The following UTS2B variants were observed in gnomAD, a reference collection of about 807,000 sequenced individuals.
UTS2B encodes urotensin 2B.
UTS2B carries 21 observed loss-of-function variants against 19.2 expected under a neutral mutation model. That is an observed-to-expected ratio of 1.09 (90% CI 0.78 to 1.58). The LOEUF (loss-of-function observed/expected upper bound fraction) is 1.58, where lower values mean the gene tolerates loss of function less well. UTS2B is among the 40% of genes most tolerant of loss of function. The pLI, the probability that UTS2B is intolerant of heterozygous loss-of-function variation, is 0.00. For synonymous variants in UTS2B, 57 were observed against 50.2 expected (o/e 1.14, Z -0.58); for missense variants, 138 against 130.3 (o/e 1.06, Z -0.29).
At chr3:191,289,205 C>T (rs962643744) in intron 4 of UTS2B, among the ~76,000 whole-genome samples, 11 of 151,898 alleles carry the variant, frequency 7.2e-5, no homozygotes, top group South Asian at 2.1e-4. Context: ...GTCAGGAGAT[C>T]GAGACCATCC....
chr3:191,310,752 A>T (rs78540759), intron 3 of UTS2B, among the ~76,000 whole-genome samples: 5 of 152,014 alleles, frequency 3.3e-5, no homozygotes, highest in Non-Finnish European at 5.9e-5. Flanking sequence ...ATTTGGTTAA[A>T]GTTATAGTAG....
chr3:191,305,823 CTTGAG>C (rs1717122300), intron 3 of UTS2B, among the ~76,000 whole-genome samples: 1 of 152,096 alleles, frequency 6.6e-6, no homozygotes, highest in South Asian at 2.1e-4. Context: ...TTTAATCCAT[CTTGAG>C]TTAATTTTTG....
At chr3:191,307,929 G>C (rs889476276) in intron 3 of UTS2B, among the ~76,000 whole-genome samples, 1 of 149,512 alleles carries the variant, frequency 6.7e-6, no homozygotes, top group African/African-American at 2.5e-5. Flanking sequence ...TCTGCCTCCC[G>C]GGTTAAAGCA....
chr3:191,292,590 T>A lies in UTS2B; in HGVS notation c.-124-10277A>T, dbSNP rs540815725. Among the ~76,000 whole-genome samples, 9 of 152,334 alleles carry A rather than the reference T, an allele frequency of 5.9e-5. No homozygotes were observed. The South Asian group carries it at 1.9e-3, about 32-fold the overall frequency. On this transcript the variant is annotated intron_variant, in intron 4 of 8. Coordinates refer to ENST00000340524, the MANE Select transcript of UTS2B (RefSeq NM_198152.5). Reference sequence around the variant, plus strand: ...AGGATTTTGTACATAGAAGATCATGTCAACAAATAGAGACAGTTTTACTCT... The same window carrying A: ...AGGATTTTGTACATAGAAGATCATGACAACAAATAGAGACAGTTTTACTCT...
rs557520696 is a variant in UTS2B at position 191,310,324 on chromosome 3, C to T, written c.-182+5712G>A. On this transcript the variant is annotated intron_variant, in intron 3 of 8. Transcript: ENST00000340524. ...TGACCTAACACGAAGATAGAGATAACATCCCCTTTCAAAACAAATAGTAGG... is the reference window on the plus strand; with the variant it reads ...TGACCTAACACGAAGATAGAGATAATATCCCCTTTCAAAACAAATAGTAGG... Among the ~76,000 whole-genome samples the T allele has an allele frequency of 9.2e-5, 14 of 151,544 alleles. No individual in the cohort carries two copies. The South Asian group carries it at 2.9e-3, about 32-fold the overall frequency.
chr3:191,345,927 A>C, the UTS2B span, among the ~76,000 whole-genome samples: 1 of 152,240 alleles, frequency 6.6e-6, no homozygotes, highest in East Asian at 1.9e-4. Context: ...ATTATATAAT[A>C]TAGTGCTCCC....
At chr3:191,332,454 C>G (rs1718023095), upstream of UTS2B, among the ~76,000 whole-genome samples, 1 of 152,120 alleles carries the variant, frequency 6.6e-6, no homozygotes, top group Non-Finnish European at 1.5e-5. Flanking sequence ...TTTGGAACAT[C>G]TGTATACTTT....
At chr3:191,325,225 T>A (rs915214023) in intron 2 of UTS2B, among the ~76,000 whole-genome samples, 1 of 152,156 alleles carries the variant, frequency 6.6e-6, no homozygotes, top group African/African-American at 2.4e-5. Flanking sequence ...AGTGTACAGA[T>A]AATTGCAATA....
upstream of UTS2B, among the ~76,000 whole-genome samples, chr3:191,333,924 T>C (rs1169404258): frequency 1.3e-5 from 2 of 152,188 alleles, no homozygotes; most frequent in Middle Eastern, 3.2e-3. Context: ...AACATAGATA[T>C]GTATTACATA....
chr3:191,325,074 G>A (rs886805612), intron 2 of UTS2B, among the ~76,000 whole-genome samples: 2 of 151,850 alleles, frequency 1.3e-5, no homozygotes, highest in Non-Finnish European at 2.9e-5. Flanking sequence ...ATATTAATAA[G>A]GAAGTCAAGG....
the UTS2B span, among the ~76,000 whole-genome samples, chr3:191,335,763 C>A: frequency 1.3e-5 from 2 of 152,094 alleles, no homozygotes; most frequent in Non-Finnish European, 2.9e-5. Flanking sequence ...GTGGTTCTTT[C>A]CTTTTTCTTT....
intron 6 of UTS2B, among the ~76,000 whole-genome samples, 162 bp from the exon 7 acceptor site, chr3:191,277,006 A>G (rs926125600): frequency 1.3e-5 from 2 of 152,318 alleles, no homozygotes; most frequent in African/African-American, 2.4e-5. Context: ...ATATTTCTCA[A>G]TGCCCATAGT....
intron 4 of UTS2B, among the ~76,000 whole-genome samples, chr3:191,300,913 T>C (rs1716982356): frequency 6.6e-6 from 1 of 152,234 alleles, no homozygotes; most frequent in Non-Finnish European, 1.5e-5. Flanking sequence ...AACCATACAA[T>C]AAGTAAACCT....
intron 1 of UTS2B, chr3:191,329,613 G>A (rs956668408): frequency 1.3e-6 from 2 of 1,554,656 alleles, no homozygotes; most frequent in South Asian, 2.4e-5. Flanking sequence ...TCGGGGCCCC[G>A]CTCGGCGCCG....
chr3:191,270,789 T>C (rs181033840), intron 8 of UTS2B, among the ~76,000 whole-genome samples: 604 of 152,230 alleles, frequency 4.0e-3, no homozygotes, highest in African/African-American at 0.013. Flanking sequence ...ATCAGCCCCA[T>C]AGACCCATAG....
chr3:191,313,512 A>G (rs376278397), intron 3 of UTS2B, among the ~76,000 whole-genome samples: 14 of 151,604 alleles, frequency 9.2e-5, no homozygotes, highest in African/African-American at 2.7e-4. Flanking sequence ...CCCAATACCC[A>G]TAACGATATA....
chr3:191,275,521 C>G (rs1236040833), intron 7 of UTS2B, among the ~76,000 whole-genome samples, 176 bp from the exon 8 acceptor site: 3 of 151,996 alleles, frequency 2.0e-5, no homozygotes, highest in Non-Finnish European at 1.5e-5. Context: ...TCTACTAAAA[C>G]TACAAAAAAT....
At chr3:191,273,171 A>C (rs1216628519) in intron 8 of UTS2B, among the ~76,000 whole-genome samples, 1 of 152,226 alleles carries the variant, frequency 6.6e-6, no homozygotes, top group African/African-American at 2.4e-5. Context: ...CCGTCTCAAA[A>C]AAAAGGAGTG....
Position 191,282,293 on chromosome 3 carries a change from T to G in UTS2B, c.-104A>C. 1.4e-6 allele frequency: 1 copy of G among 735,286 alleles called. No individual in the cohort carries two copies. 45.5% of individuals were successfully genotyped at this position (735,286 alleles called of 1,614,324 possible). A position where few individuals can be genotyped will look rare whatever the true frequency, so the allele number is the denominator to read the frequency against. ...GTAGAGCTTAGTTGCAAAAGGCAAG[T>G]GTGCCTCAGTTACGAATGATCTAGA... On this transcript the variant is annotated 5_prime_UTR_variant, in exon 5 of 9. Coordinates refer to ENST00000340524, the MANE Select transcript of UTS2B (RefSeq NM_198152.5).
Sources: gnomAD v4.1 joint callset for allele counts (sites outside exome capture counted in the v4.1 genomes callset) on GRCh38, gnomAD v4.1.1 for gene constraint, MANE v1.5 for transcripts, NCBI Gene and HGNC (gene_info 2026-07-23, HGNC 2026-07-21) for gene names.